Variants in VPS13B observed in about 807,000 individuals in gnomAD.
The protein encoded by VPS13B is intermembrane lipid transfer protein VPS13B.
VPS13B carries 285 observed loss-of-function variants against 426.4 expected under a neutral mutation model. The ratio of observed to expected loss-of-function variants is 0.67; its 90% CI spans 0.61 to 0.74. VPS13B has a LOEUF of 0.74. Ranked by LOEUF, VPS13B falls within the 30% of genes least tolerant of loss-of-function variation. The probability of loss-of-function intolerance (pLI) is 0.00; values close to 1 mark genes in which losing one functional copy is unlikely to be tolerated. For missense variants in VPS13B, 4,537 were observed against 4,782.6 expected, an observed-to-expected ratio of 0.95 and a Z score of 1.51; for synonymous variants, 1,676 against 1,676.4, an observed-to-expected ratio of 1.00 and a Z score of 0.01.
At chr8:99,601,781 G>A (rs1319782972) in intron 33 of VPS13B, among the ~76,000 whole-genome samples, 1 of 152,036 alleles carries the variant, frequency 6.6e-6, no homozygotes, top group African/African-American at 2.4e-5. Context: ...TATGTTTGTT[G>A]GCTGCATAAA....
At chr8:99,062,537 C>T (rs571438813) in intron 3 of VPS13B, among the ~76,000 whole-genome samples, 13 of 152,278 alleles carry the variant, frequency 8.5e-5, no homozygotes, top group African/African-American at 2.2e-4. Flanking sequence ...GGCGTCATCT[C>T]GGCTCACTGC....
rs559332553 is a variant in VPS13B at position 99,486,755 on chromosome 8, G to C, written c.3870+4953G>C. Among the ~76,000 whole-genome samples the C allele has an allele frequency of 5.9e-5, 9 of 152,230 alleles. 1 individual carries two copies. In the South Asian group the frequency reaches 1.9e-3, roughly 32 times the overall value. On this transcript the variant is annotated intron_variant, in intron 25 of 61. Transcript: ENST00000357162. ...GCTCAACCCCTCGACCCTTATCTGA[G>C]TTTGATACTTCTACATACTCCCAAG... is the stretch of plus-strand genomic sequence containing the variant.
intron 17 of VPS13B, among the ~76,000 whole-genome samples, chr8:99,243,998 C>G (rs906533225): frequency 1.3e-5 from 2 of 152,220 alleles, no homozygotes; most frequent in African/African-American, 4.8e-5. Flanking sequence ...AGACGAAAGA[C>G]AGACAATCTG....
chr8:99,487,518 C>T (rs528925329), intron 25 of VPS13B, among the ~76,000 whole-genome samples: 1 of 152,238 alleles, frequency 6.6e-6, no homozygotes, highest in Admixed American at 6.5e-5. Flanking sequence ...TAGGCACACT[C>T]ACAGTGCGTA....
chr8:99,033,584 A>T (rs1275550436), intron 2 of VPS13B, among the ~76,000 whole-genome samples: 2 of 151,844 alleles, frequency 1.3e-5, no homozygotes, highest in East Asian at 3.9e-4. Flanking sequence ...CTGTTGTCAT[A>T]TGTTTCTTTA....
At chr8:99,742,237 A>C (rs1318810714) in intron 39 of VPS13B, among the ~76,000 whole-genome samples, 5 of 152,210 alleles carry the variant, frequency 3.3e-5, no homozygotes, top group Non-Finnish European at 7.4e-5. Flanking sequence ...GAAATGGATA[A>C]ATTCCTCGAC....
intron 19 of VPS13B, among the ~76,000 whole-genome samples, chr8:99,378,540 T>G (rs940854496): frequency 6.6e-6 from 1 of 152,176 alleles, no homozygotes; most frequent in Non-Finnish European, 1.5e-5. Flanking sequence ...CAATTTATGT[T>G]CAGAGATTGC....
At chr8:99,254,039 A>G (rs1279241930) in intron 17 of VPS13B, among the ~76,000 whole-genome samples, 1 of 152,190 alleles carries the variant, frequency 6.6e-6, no homozygotes, top group Non-Finnish European at 1.5e-5. Flanking sequence ...ATGGAGAACC[A>G]TATCAGATAT....
chr8:99,846,796 A>G (rs116861245), intron 54 of VPS13B, among the ~76,000 whole-genome samples: 1 of 152,350 alleles, frequency 6.6e-6, no homozygotes, highest in East Asian at 1.9e-4. Context: ...TAGAAAGTGT[A>G]AGTATCCTCA....
At chr8:99,390,807 AC>A (rs1814399498) in intron 20 of VPS13B, among the ~76,000 whole-genome samples, 2 of 152,320 alleles carry the variant, frequency 1.3e-5, no homozygotes, top group East Asian at 1.9e-4. Context: ...CAAACTTAAA[AC>A]TTTTTTTGCC....
rs541174895 is a variant in VPS13B, at chr8:99,096,805, A to G, written c.412+373A>G. 8.8e-4 allele frequency among the ~76,000 whole-genome samples: 134 copies of G among 152,058 alleles called. 2 individuals carry two copies. Among genetic ancestry groups the G allele is most frequent in the South Asian group, 1.5e-3 (7 of 4,814 alleles). ...ATTGTTTTAGTACTTTGTAGAATAT[A>G]TATTTTTAGTATCATAAAACTTTTA... On this transcript the variant is annotated intron_variant, in intron 4 of 61. Transcript: ENST00000357162.
chr8:99,627,573 G>A (rs185012425), intron 33 of VPS13B, among the ~76,000 whole-genome samples: 160 of 152,150 alleles, frequency 1.1e-3, no homozygotes, highest in African/African-American at 3.8e-3. Flanking sequence ...TGGTAGAGAT[G>A]GGGTTTCACC....
chr8:99,050,422 T>C (rs1843475224), intron 3 of VPS13B, among the ~76,000 whole-genome samples: 3 of 152,344 alleles, frequency 2.0e-5, no homozygotes, highest in Admixed American at 2.0e-4. Flanking sequence ...ATTTTCTTAA[T>C]CCAGTCTATC....
chr8:99,542,184 TG>T (rs528467701), intron 30 of VPS13B, among the ~76,000 whole-genome samples: 38 of 152,316 alleles, frequency 2.5e-4, no homozygotes, highest in Admixed American at 5.2e-4. Context: ...CCACCGTGCC[TG>T]GCCTAAGCAA....
chr8:99,136,427 A>G (rs1422066608), intron 11 of VPS13B, among the ~76,000 whole-genome samples: 1 of 152,162 alleles, frequency 6.6e-6, no homozygotes, highest in Non-Finnish European at 1.5e-5. Flanking sequence ...TTAACTAGAC[A>G]TGATTAATAA....
At chr8:99,383,668 C>G (rs571041896) in intron 19 of VPS13B, among the ~76,000 whole-genome samples, 4 of 152,224 alleles carry the variant, frequency 2.6e-5, no homozygotes, top group Admixed American at 2.6e-4. Flanking sequence ...CTTTTTGTCT[C>G]TATGTTTTTG....
chr8:99,152,271 T>G (rs1490372009), intron 14 of VPS13B, among the ~76,000 whole-genome samples: 1 of 152,244 alleles, frequency 6.6e-6, no homozygotes, highest in African/African-American at 2.4e-5. Context: ...TTGACTTGTG[T>G]TCTTTAGAAG....
At chr8:99,265,677 T>C (rs1247851128) in intron 17 of VPS13B, among the ~76,000 whole-genome samples, 2 of 152,202 alleles carry the variant, frequency 1.3e-5, no homozygotes, top group Non-Finnish European at 2.9e-5. Context: ...AGTCACTAGA[T>C]AAAATTTTAG....
At chr8:99,805,199 T>G (rs892728643) in intron 43 of VPS13B, among the ~76,000 whole-genome samples, 2 of 151,576 alleles carry the variant, frequency 1.3e-5, no homozygotes, top group African/African-American at 4.8e-5. Context: ...CAGTTTCTGT[T>G]TAGAACATTA....
Sources: allele counts gnomAD v4.1 joint callset (sites outside exome capture counted in the v4.1 genomes callset), GRCh38; gene constraint gnomAD v4.1.1; transcripts MANE v1.5; gene names NCBI Gene and HGNC (gene_info 2026-07-23, HGNC 2026-07-21).